SDC2: variants seen among roughly 807,000 people sequenced by gnomAD.
SDC2 encodes the protein syndecan-2.
In SDC2, 13 loss-of-function variants were observed where a neutral mutation model predicts 22.2. That is an observed-to-expected ratio of 0.59 (90% confidence interval 0.38 to 0.93). The LOEUF (loss-of-function observed/expected upper bound fraction) is 0.93, where lower values mean the gene tolerates loss of function less well. SDC2 is among the 40% of genes least tolerant of loss of function. SDC2 has a pLI of 0.00. For synonymous variants in SDC2, 94 were observed against 92.8 expected (o/e 1.01, Z -0.07); for missense variants, 235 against 246.8 (o/e 0.95, Z 0.32).
In SDC2 at chr8:96,512,957, G is replaced by A. The variant is rs7001156; in HGVS notation, c.60+18626G>A. On this transcript the variant is annotated intron_variant, in intron 1 of 4. Transcript: ENST00000302190. ...ATGATGAATTGAACTTGTGTTTACC[G>A]TCTCCTTCTCAAGGTTTTGTTTTCT... is the stretch of plus-strand genomic sequence containing the variant. 3.9e-5 allele frequency among the ~76,000 whole-genome samples: 6 copies of A among 152,060 alleles called. 1 individual carries two copies. Among genetic ancestry groups the A allele is most frequent in the South Asian group, 4.2e-4 (2 of 4,802 alleles).
intron 1 of SDC2, among the ~76,000 whole-genome samples, chr8:96,576,384 G>GTTTTGTTT (rs1554604683): frequency 2.0e-5 from 1 of 50,962 alleles, no homozygotes; most frequent in Non-Finnish European, 3.8e-5. Flanking sequence ...GTTTTGTTTT[G>GTTTTGTTT]TTTTTTTTTA....
chr8:96,552,128 G>A (rs1484916639), intron 1 of SDC2, among the ~76,000 whole-genome samples: 2 of 152,186 alleles, frequency 1.3e-5, no homozygotes, highest in Non-Finnish European at 2.9e-5. Flanking sequence ...CTTTTCTCAC[G>A]AGGCTTGGAC....
chr8:96,601,324 C>T (rs1387897689), intron 2 of SDC2, among the ~76,000 whole-genome samples: 1 of 151,858 alleles, frequency 6.6e-6, no homozygotes, highest in African/African-American at 2.4e-5. Context: ...GAGTATCCAC[C>T]CCCACTGGAA....
chr8:96,583,685 ATGTGTG>A (rs3064977), intron 1 of SDC2, among the ~76,000 whole-genome samples: 3,328 of 142,602 alleles, frequency 0.023, 118 homozygotes, highest in African/African-American at 0.076. Context: ...TTTGAAATAT[ATGTGTG>A]TGTGTGTGTG....
At chr8:96,541,674 C>G (rs1430229006) in intron 1 of SDC2, among the ~76,000 whole-genome samples, 1 of 134,062 alleles carries the variant, frequency 7.5e-6, no homozygotes, top group Non-Finnish European at 1.7e-5. Flanking sequence ...AGTACAATGG[C>G]GGCTGCCAGG....
intron 3 of SDC2, among the ~76,000 whole-genome samples, chr8:96,604,255 T>C (rs1015423884): frequency 1.3e-5 from 2 of 152,156 alleles, no homozygotes; most frequent in Non-Finnish European, 2.9e-5. Flanking sequence ...GACCACTAAT[T>C]TAAGTTTTTA....
chr8:96,595,545 T>C (rs1416756122), intron 2 of SDC2, among the ~76,000 whole-genome samples: 1 of 152,040 alleles, frequency 6.6e-6, no homozygotes, highest in African/African-American at 2.4e-5. Context: ...TTTGTAACTG[T>C]CATCTTCAAT....
chr8:96,521,894 T>TCA (rs1243958155), intron 1 of SDC2, among the ~76,000 whole-genome samples: 1 of 152,218 alleles, frequency 6.6e-6, no homozygotes, highest in Non-Finnish European at 1.5e-5. Flanking sequence ...ACCTAAAGCA[T>TCA]TTTGAGTAAC....
chr8:96,560,100 C>T (rs1814183499), intron 1 of SDC2, among the ~76,000 whole-genome samples: 1 of 152,118 alleles, frequency 6.6e-6, no homozygotes, highest in South Asian at 2.1e-4. Flanking sequence ...TCATCACCTC[C>T]CTGAAAAACC....
chr8:96,559,152 G>T (rs1814167630), intron 1 of SDC2, among the ~76,000 whole-genome samples: 1 of 152,162 alleles, frequency 6.6e-6, no homozygotes, highest in Admixed American at 6.5e-5. Context: ...AAATGAGGTT[G>T]CCATATTTGA....
At chr8:96,520,443 G>A (rs1034345899) in intron 1 of SDC2, among the ~76,000 whole-genome samples, 31 of 152,104 alleles carry the variant, frequency 2.0e-4, no homozygotes, top group Admixed American at 1.8e-3. Context: ...GTGATTAGAG[G>A]AGCAGTAATA....
chr8:96,591,420 CTG>C (rs1814779276), intron 1 of SDC2, among the ~76,000 whole-genome samples: 1 of 152,114 alleles, frequency 6.6e-6, no homozygotes, highest in Non-Finnish European at 1.5e-5. Flanking sequence ...ACATGTAACT[CTG>C]AAACCTCAGT....
rs576943171 is a variant in SDC2, at chr8:96,542,534, C to G, written c.60+48203C>G. 2.6e-5 allele frequency among the ~76,000 whole-genome samples: 4 copies of G among 152,162 alleles called. No homozygotes were observed. In the East Asian group the frequency reaches 7.7e-4, roughly 29 times the overall value. ...GTTTACAGCAGAGAAGGAACAAGCC[C>G]TCAAGCTTTTTCCAGTGGTCTCAAA... is the stretch of plus-strand genomic sequence containing the variant. On this transcript the variant is annotated intron_variant, in intron 1 of 4. Transcript: ENST00000302190.
intron 1 of SDC2, among the ~76,000 whole-genome samples, chr8:96,552,984 T>C (rs1431887581): frequency 1.3e-5 from 2 of 152,218 alleles, no homozygotes; most frequent in Non-Finnish European, 2.9e-5. Context: ...ATAGCTGTTT[T>C]ATAACCAGAC....
chr8:96,580,074 A>G (rs941527368), intron 1 of SDC2, among the ~76,000 whole-genome samples: 2 of 152,220 alleles, frequency 1.3e-5, no homozygotes, highest in Admixed American at 6.5e-5. Context: ...ATTCTTTGGT[A>G]TGAGCTTTAA....
At chr8:96,585,048 TTTTG>T (rs1474071319) in intron 1 of SDC2, 13 of 152,222 alleles carry the variant, frequency 8.5e-5, no homozygotes, top group African/African-American at 3.1e-4. Flanking sequence ...TTTGCTTTTA[TTTTG>T]TTTTTTTCCC....
chr8:96,520,222 T>A (rs1166643043), intron 1 of SDC2, among the ~76,000 whole-genome samples: 1 of 152,222 alleles, frequency 6.6e-6, no homozygotes, highest in Non-Finnish European at 1.5e-5. Flanking sequence ...TTACTAAAGC[T>A]AGGGTGTTAG....
At chr8:96,546,164 G>C (rs1316329098) in intron 1 of SDC2, among the ~76,000 whole-genome samples, 1 of 152,200 alleles carries the variant, frequency 6.6e-6, no homozygotes, top group Admixed American at 6.5e-5. Flanking sequence ...ACCTGATGGT[G>C]GTCCCTCACA....
intron 1 of SDC2, among the ~76,000 whole-genome samples, chr8:96,506,562 G>C (rs928760506): frequency 1.3e-5 from 2 of 151,940 alleles, no homozygotes; most frequent in East Asian, 1.9e-4. Context: ...CTGCAACCTC[G>C]ATCTCCTGGG....
Sources: gnomAD v4.1 joint callset for allele counts (sites outside exome capture counted in the v4.1 genomes callset) on GRCh38, gnomAD v4.1.1 for gene constraint, MANE v1.5 for transcripts, NCBI Gene and HGNC (gene_info 2026-07-23, HGNC 2026-07-21) for gene names.